KCNQ1: variants seen among roughly 807,000 people sequenced by gnomAD.
KCNQ1 encodes potassium voltage-gated channel subfamily Q member 1, also known as potassium voltage-gated channel subfamily KQT member 1.
In KCNQ1, 49 loss-of-function variants were observed where a neutral mutation model predicts 72.4. That is an observed-to-expected ratio of 0.68 (90% confidence interval 0.54 to 0.86). The LOEUF (loss-of-function observed/expected upper bound fraction) is 0.86. Ranked by LOEUF, KCNQ1 falls within the 40% of genes least tolerant of loss-of-function variation. KCNQ1 has a pLI of 0.00. For synonymous variants in KCNQ1, 450 were observed against 412.6 expected, an observed-to-expected ratio of 1.09 and a Z score of -1.10; for missense variants, 790 against 945.1, an observed-to-expected ratio of 0.84 and a Z score of 2.15.
rs1047813639 is a variant in KCNQ1, at chr11:2,482,530, G to A, written c.386+37046G>A. Among the ~76,000 whole-genome samples, 2 of 152,082 alleles carry A rather than the reference G, an allele frequency of 1.3e-5. No homozygotes were observed. The highest frequency in any genetic ancestry group is 4.8e-5 in the African/African-American group (2 of 41,392). On this transcript the variant is annotated intron_variant, in intron 1 of 15. Transcript: ENST00000155840. The surrounding 1 kb of genome is among the most constrained non-coding windows in gnomAD (Gnocchi z 5.7). ...TCACATTTGCAGGAGAAGACTGACA[G>A]GATCAAAGGGTTCCTGCATTTTTAT...
intron 11 of KCNQ1, among the ~76,000 whole-genome samples, chr11:2,726,865 C>G (rs1263540192): frequency 1.3e-5 from 2 of 152,122 alleles, no homozygotes; most frequent in Non-Finnish European, 2.9e-5. Context: ...TTCCAGAGGC[C>G]CCTCCCAAGT....
intron 10 of KCNQ1, chr11:2,632,684 A>G: frequency 2.5e-6 from 1 of 398,362 alleles, no homozygotes. Context: ...AAAATCCTCC[A>G]TCTTTCTGTG....
rs919521320 is a variant in KCNQ1 at position 2,541,938 on chromosome 11, T to C, written c.477+13920T>C. On this transcript the variant is annotated intron_variant, in intron 2 of 15. Coordinates refer to ENST00000155840, the MANE Select transcript of KCNQ1 (RefSeq NM_000218.3). The surrounding 1 kb of genome is among the most constrained non-coding windows in gnomAD (Gnocchi z 4.8). Reference sequence around the variant, plus strand: ...CCTCTGGAGGCCTCTGCACCCCTCCTGTGAAAGGCCGGCGCAGAGCTGCAC... The same window carrying C: ...CCTCTGGAGGCCTCTGCACCCCTCCCGTGAAAGGCCGGCGCAGAGCTGCAC... 3.3e-5 allele frequency among the ~76,000 whole-genome samples: 5 copies of C among 152,140 alleles called. No individual in the cohort carries two copies. In the South Asian group the frequency reaches 1.0e-3, roughly 31 times the overall value.
In KCNQ1 at chr11:2,682,041, T is replaced by A; in HGVS notation, c.1514+19960T>A. 1 of 398,616 alleles carries A rather than the reference T, an allele frequency of 2.5e-6. No individual in the cohort carries two copies. Among genetic ancestry groups the A allele is most frequent in the Non-Finnish European group, 4.4e-6 (1 of 226,050 alleles). The allele number at this position is 398,616 out of a possible 1,614,324, so 24.7% of individuals were successfully genotyped here. The stretch of plus-strand genomic sequence containing the variant: ...AACACAAGAATATTATCACTCCTGT[T>A]TTATAGATAATCTCCTAAGGGTTGA... On this transcript the variant is annotated intron_variant, in intron 11 of 15. Transcript: ENST00000155840. The surrounding 1 kb of genome is among the most constrained non-coding windows in gnomAD (Gnocchi z 5.8).
intron 1 of KCNQ1, among the ~76,000 whole-genome samples, chr11:2,522,165 T>C (rs1427319875): frequency 6.6e-6 from 1 of 151,870 alleles, no homozygotes; most frequent in African/African-American, 2.4e-5. Flanking sequence ...AGGAGGTTGT[T>C]TTCTGGGGTG....
chr11:2,652,605 C>G lies in KCNQ1; in HGVS notation c.1394-9356C>G. The G allele has an allele frequency of 2.5e-6, 1 of 398,600 alleles. No homozygotes were observed. The highest frequency in any genetic ancestry group is 4.4e-6 in the Non-Finnish European group (1 of 226,082). The allele number at this position is 398,600 out of a possible 1,614,324, so 24.7% of individuals were successfully genotyped here. On this transcript the variant is annotated intron_variant, in intron 10 of 15. Transcript: ENST00000155840. The surrounding 1 kb of genome is among the most constrained non-coding windows in gnomAD (Gnocchi z 5.9). ...CTGCTCTTGCTGCCTGGAACCTTCC[C>G]CTGAAAATGTGTCTTGGGAGACCTA...
intron 11 of KCNQ1, among the ~76,000 whole-genome samples, chr11:2,702,885 C>G (rs1248850304): frequency 6.6e-6 from 1 of 152,188 alleles, no homozygotes; most frequent in Non-Finnish European, 1.5e-5. Flanking sequence ...CACCCCCTCG[C>G]CACACACGGG....
In KCNQ1 at chr11:2,538,346, C is replaced by T. The variant is rs1260295058; in HGVS notation, c.477+10328C>T. Among the ~76,000 whole-genome samples, 1 of 152,164 alleles carries T rather than the reference C, an allele frequency of 6.6e-6. No individual in the cohort carries two copies. The highest frequency in any genetic ancestry group is 1.5e-5 in the Non-Finnish European group (1 of 68,024). On this transcript the variant is annotated intron_variant, in intron 2 of 15. Transcript: ENST00000155840. This position sits in a 1 kb window ranked among gnomAD's most constrained non-coding sequence, Gnocchi z 6.7. ...GGAGGCTTGGGGACAGTCCCCTGGCCCCACGGATGTTGTGTGGACGAGTTG... is the reference window on the plus strand; with the variant it reads ...GGAGGCTTGGGGACAGTCCCCTGGCTCCACGGATGTTGTGTGGACGAGTTG...
rs1849618152 is a variant in KCNQ1 at position 2,643,814 on chromosome 11, G to A, written c.1394-18147G>A. The A allele has an allele frequency of 1.3e-5, 5 of 398,502 alleles. No individual in the cohort carries two copies. In the East Asian group the frequency reaches 1.8e-4, roughly 14 times the overall value. 24.7% of individuals were successfully genotyped at this position (398,502 alleles called of 1,614,324 possible). The stretch of plus-strand genomic sequence containing the variant: ...TAATTCCCTGAGCTTTTACTTTTAA[G>A]GGAAATACTTTATTTCTCCTTCATT... On this transcript the variant is annotated intron_variant, in intron 10 of 15. Transcript: ENST00000155840.
In KCNQ1 at chr11:2,627,471, C is replaced by T. The variant is rs1849280377; in HGVS notation, c.1394-34490C>T. On this transcript the variant is annotated intron_variant, in intron 10 of 15. Transcript: ENST00000155840. This position sits in a 1 kb window ranked among gnomAD's most constrained non-coding sequence, Gnocchi z 4.9. ...TTTCCTATTTCCCCTACTCCCTGAC[C>T]CCTAGTAACCACCCTTCTACTCTCC... 2 of 398,486 alleles carry T rather than the reference C, an allele frequency of 5.0e-6. No individual in the cohort carries two copies. The highest frequency in any genetic ancestry group is 8.8e-6 in the Non-Finnish European group (2 of 226,040). 24.7% of individuals were successfully genotyped at this position (398,486 alleles called of 1,614,324 possible).
intron 11 of KCNQ1, among the ~76,000 whole-genome samples, chr11:2,722,828 T>C (rs538714880): frequency 1.2e-4 from 18 of 152,234 alleles, no homozygotes; most frequent in Middle Eastern, 3.4e-3. Flanking sequence ...CTCAGCCAAC[T>C]GACACCAGGG....
rs576226303 is a variant in KCNQ1, at chr11:2,509,100, C to T, written c.387-18828C>T. Among the ~76,000 whole-genome samples the T allele has an allele frequency of 6.6e-6, 1 of 152,328 alleles. No individual in the cohort carries two copies. The highest frequency in any genetic ancestry group is 6.5e-5 in the Admixed American group (1 of 15,300). On this transcript the variant is annotated intron_variant, in intron 1 of 15. Coordinates refer to ENST00000155840, the MANE Select transcript of KCNQ1 (RefSeq NM_000218.3). This position sits in a 1 kb window ranked among gnomAD's most constrained non-coding sequence, Gnocchi z 6.3. ...GGTCTTGAAATTAGTACAACACATG[C>T]CCCATACTGGGGAATTTGGGGGTCC...
rs369606902 is a variant in KCNQ1, at chr11:2,502,304, C to A, written c.387-25624C>A. ...TCTTATATTTGGAAAAATCTAAAGA[C>A]CCCACAAAAAAACTATTAGAACTGA... is the stretch of plus-strand genomic sequence containing the variant. On this transcript the variant is annotated intron_variant, in intron 1 of 15. Coordinates refer to ENST00000155840, the MANE Select transcript of KCNQ1 (RefSeq NM_000218.3). 7.2e-5 allele frequency among the ~76,000 whole-genome samples: 11 copies of A among 152,242 alleles called. No homozygotes were observed. The East Asian group carries it at 1.3e-3, about 19-fold the overall frequency.
chr11:2,561,703 G>A (rs935102556), intron 2 of KCNQ1, among the ~76,000 whole-genome samples: 103 of 152,362 alleles, frequency 6.8e-4, no homozygotes, highest in African/African-American at 2.3e-3. Flanking sequence ...GCTAATGTGT[G>A]GGACAAGGGG....
In KCNQ1 at chr11:2,626,639, C is replaced by G. The variant is rs1849266873; in HGVS notation, c.1394-35322C>G. 2.5e-6 allele frequency: 1 copy of G among 398,512 alleles called. No individual in the cohort carries two copies. The highest frequency in any genetic ancestry group is 2.1e-5 in the African/African-American group (1 of 48,608). The allele number at this position is 398,512 out of a possible 1,614,324, so 24.7% of individuals were successfully genotyped here. Reference sequence around the variant, plus strand: ...AATCTCCCAGGCTCAAGCAATCCTCCCACCTCGGCTTCTTGAGTAGCTGGG... The same window carrying G: ...AATCTCCCAGGCTCAAGCAATCCTCGCACCTCGGCTTCTTGAGTAGCTGGG... On this transcript the variant is annotated intron_variant, in intron 10 of 15. Transcript: ENST00000155840. The surrounding 1 kb of genome is among the most constrained non-coding windows in gnomAD (Gnocchi z 4.0).
chr11:2,619,903 G>A, intron 10 of KCNQ1: 1 of 398,318 alleles, frequency 2.5e-6, no homozygotes, highest in African/African-American at 2.1e-5. Context: ...AGGTCTATAT[G>A]TTGCATGGTA....
In KCNQ1 at chr11:2,711,029, A is replaced by G. The variant is rs1276868278; in HGVS notation, c.1514+48948A>G. Among the ~76,000 whole-genome samples the G allele has an allele frequency of 2.0e-5, 3 of 152,340 alleles. No individual in the cohort carries two copies. The highest frequency in any genetic ancestry group is 4.8e-5 in the African/African-American group (2 of 41,588). On this transcript the variant is annotated intron_variant, in intron 11 of 15. Coordinates refer to ENST00000155840, the MANE Select transcript of KCNQ1 (RefSeq NM_000218.3). This position sits in a 1 kb window ranked among gnomAD's most constrained non-coding sequence, Gnocchi z 5.4. ...CTGCAAAGAAACCATCTGGGATACC[A>G]ATAGGGATTGCATTGAATCTGTAGG...
rs112398913 is a variant in KCNQ1 at position 2,457,814 on chromosome 11, GAA to G, written c.386+12343_386+12344del. ...TAAAATGGAAACTTTTGGCATGGGA[GAA>G]AAAAAAAAAAAACAGATGTAAGTTA... On this transcript the variant is annotated intron_variant, in intron 1 of 15. Coordinates refer to ENST00000155840, the MANE Select transcript of KCNQ1 (RefSeq NM_000218.3). This position sits in a 1 kb window ranked among gnomAD's most constrained non-coding sequence, Gnocchi z 5.0. Among the ~76,000 whole-genome samples the G allele has an allele frequency of 4.6e-3, 583 of 126,184 alleles. 6 individuals carry two copies. Among genetic ancestry groups the G allele is most frequent in the African/African-American group, 0.016 (554 of 34,240 alleles). 82.8% of individuals were successfully genotyped at this position (126,184 alleles called of 152,430 possible).
intron 1 of KCNQ1, among the ~76,000 whole-genome samples, chr11:2,500,928 C>T (rs943572098): frequency 1.3e-5 from 2 of 151,918 alleles, no homozygotes; most frequent in African/African-American, 4.8e-5. Context: ...ATGTAGATGA[C>T]GGGTTGATGG....
Sources: allele counts gnomAD v4.1 joint callset (sites outside exome capture counted in the v4.1 genomes callset), GRCh38; gene constraint gnomAD v4.1.1; non-coding constraint Gnocchi (gnomAD v3.1); transcripts MANE v1.5; gene names NCBI Gene and HGNC (gene_info 2026-07-23, HGNC 2026-07-21).